Variants in SMOC1 observed in about 807,000 individuals in gnomAD.
SMOC1 encodes the protein SPARC-related modular calcium-binding protein 1.
SMOC1 carries 22 observed loss-of-function variants against 56.3 expected under a neutral mutation model. That is an observed-to-expected ratio of 0.39 (90% CI 0.28 to 0.56). SMOC1 has a LOEUF of 0.56. Ranked by LOEUF, SMOC1 falls within the 20% of genes least tolerant of loss-of-function variation. The pLI, the probability that SMOC1 is intolerant of heterozygous loss-of-function variation, is 0.61. For missense variants in SMOC1, 509 were observed against 565.4 expected (o/e 0.90, Z 1.01); for synonymous variants, 193 against 215.0 (o/e 0.90, Z 0.89).
rs537188089 is a variant in SMOC1, at chr14:69,949,873, G to T, written c.100-2265G>T. 5.9e-5 allele frequency among the ~76,000 whole-genome samples: 9 copies of T among 152,310 alleles called. 1 individual carries two copies. Among genetic ancestry groups the T allele is most frequent in the South Asian group, 4.1e-4 (2 of 4,822 alleles). The stretch of plus-strand genomic sequence containing the variant: ...TGGGTTTAAAGCAGGGGCAACTCGA[G>T]GGGGGTTGAGGCTGGGGATCGTGTG... On this transcript the variant is annotated intron_variant, in intron 1 of 11. Transcript: ENST00000361956.
intron 1 of SMOC1, among the ~76,000 whole-genome samples, chr14:69,927,631 G>A (rs1885044998): frequency 6.6e-6 from 1 of 152,156 alleles, no homozygotes; most frequent in South Asian, 2.1e-4. Context: ...AGCCAAGATT[G>A]CGCCACTGCA....
At chr14:70,016,405 A>AG (rs1885514515) in intron 10 of SMOC1, among the ~76,000 whole-genome samples, 1 of 152,216 alleles carries the variant, frequency 6.6e-6, no homozygotes, top group African/African-American at 2.4e-5. Flanking sequence ...GGGAATGAAG[A>AG]CTTGAACTGC....
chr14:69,953,279 C>A, intron 2 of SMOC1, 141 bp from the exon 3 acceptor site: 2 of 751,424 alleles, frequency 2.7e-6, no homozygotes, highest in Non-Finnish European at 4.8e-6. Context: ...AGTTACTAGC[C>A]ACGGCCCTTT....
intron 1 of SMOC1, among the ~76,000 whole-genome samples, chr14:69,936,168 T>C (rs1885290615): frequency 1.3e-5 from 2 of 152,146 alleles, no homozygotes; most frequent in South Asian, 4.1e-4. Context: ...CACCTTCTAG[T>C]CTAAGGGCCC....
chr14:70,020,718 G>T (rs1397373388), intron 10 of SMOC1, among the ~76,000 whole-genome samples: 1 of 152,194 alleles, frequency 6.6e-6, no homozygotes, highest in Non-Finnish European at 1.5e-5. Flanking sequence ...TGGGAGTGAA[G>T]AGAGTCAAAA....
chr14:69,983,742 A>G (rs1435490047), intron 5 of SMOC1, among the ~76,000 whole-genome samples: 1 of 152,202 alleles, frequency 6.6e-6, no homozygotes, highest in Non-Finnish European at 1.5e-5. Context: ...CAATGAGAGT[A>G]TGTTCATTTG....
intron 1 of SMOC1, among the ~76,000 whole-genome samples, chr14:69,926,453 A>T (rs1429867043): frequency 6.6e-6 from 1 of 152,228 alleles, no homozygotes; most frequent in Non-Finnish European, 1.5e-5. Flanking sequence ...GAGCTGGGGA[A>T]GGAAAAGTGG....
chr14:69,929,855 G>A (rs35906492), intron 1 of SMOC1, among the ~76,000 whole-genome samples: 30,982 of 152,074 alleles, frequency 0.2, 4,093 homozygotes, highest in East Asian at 0.32. Context: ...AGCCCCAGAG[G>A]CGTTAGGCTG....
chr14:70,009,469 T>C (rs1016877108), intron 7 of SMOC1, among the ~76,000 whole-genome samples: 1 of 152,148 alleles, frequency 6.6e-6, no homozygotes, highest in Non-Finnish European at 1.5e-5. Flanking sequence ...TAAAGTGGAG[T>C]TGAGTGCTGT....
At chr14:70,025,658 A>G (rs1885898623) in intron 11 of SMOC1, among the ~76,000 whole-genome samples, 1 of 152,212 alleles carries the variant, frequency 6.6e-6, no homozygotes, top group Non-Finnish European at 1.5e-5. Flanking sequence ...TAATATTTGC[A>G]TTACACTTAC....
intron 3 of SMOC1, among the ~76,000 whole-genome samples, chr14:69,969,527 G>C (rs61981601): frequency 1.3e-5 from 2 of 152,068 alleles, no homozygotes; most frequent in African/African-American, 4.8e-5. Flanking sequence ...CTCACCCGCT[G>C]TCGTGAAAAC....
At chr14:69,999,401 A>G (rs1269506604) in intron 7 of SMOC1, among the ~76,000 whole-genome samples, 2 of 152,182 alleles carry the variant, frequency 1.3e-5, no homozygotes, top group Non-Finnish European at 2.9e-5. Context: ...AAAAATAAAC[A>G]GCTCGCAGGG....
At chr14:69,953,225 C>A (rs1180150214) in intron 2 of SMOC1, among the ~76,000 whole-genome samples, 195 bp from the exon 3 acceptor site, 2 of 152,174 alleles carry the variant, frequency 1.3e-5, no homozygotes, top group Admixed American at 1.3e-4. Context: ...CACGAATCCT[C>A]TGCTTTTCTA....
chr14:69,929,012 T>A (rs1400446652), intron 1 of SMOC1, among the ~76,000 whole-genome samples: 1 of 152,090 alleles, frequency 6.6e-6, no homozygotes, highest in African/African-American at 2.4e-5. Flanking sequence ...CTCTGGAGGG[T>A]CCTGATCCCT....
At chr14:69,966,603 C>T (rs1411831881) in intron 3 of SMOC1, among the ~76,000 whole-genome samples, 1 of 152,190 alleles carries the variant, frequency 6.6e-6, no homozygotes, top group African/African-American at 2.4e-5. Context: ...ATCCAGGGCT[C>T]ACGCTCCACT....
chr14:69,908,086 T>C (rs991911637), intron 1 of SMOC1, among the ~76,000 whole-genome samples: 10 of 152,204 alleles, frequency 6.6e-5, no homozygotes, highest in Non-Finnish European at 1.5e-4. Context: ...CACAAAAATC[T>C]ATAAAAATGG....
intron 7 of SMOC1, among the ~76,000 whole-genome samples, chr14:70,002,541 AG>A (rs1197244884): frequency 2.0e-5 from 3 of 152,150 alleles, no homozygotes; most frequent in African/African-American, 7.2e-5. Flanking sequence ...CCCCCTCATC[AG>A]GGGCTCCCAG....
In SMOC1 at chr14:69,901,204, G is replaced by C. The variant is rs1884233171; in HGVS notation, c.99+21427G>C. Among the ~76,000 whole-genome samples, 7 of 152,202 alleles carry C rather than the reference G, an allele frequency of 4.6e-5. No individual in the cohort carries two copies. In the South Asian group the frequency reaches 1.4e-3, roughly 32 times the overall value. The stretch of plus-strand genomic sequence containing the variant: ...ATAGCATAAATTAGTAATAGTCCAT[G>C]AGGGTCCAAAGAGAAGGGCTGCTTG... On this transcript the variant is annotated intron_variant, in intron 1 of 11. Transcript: ENST00000361956.
At chr14:69,954,175 T>G (rs1157778691) in intron 3 of SMOC1, among the ~76,000 whole-genome samples, 1 of 152,062 alleles carries the variant, frequency 6.6e-6, no homozygotes. Context: ...TTTCTTCTCT[T>G]TTTTTGGAGA....
Sources: gnomAD v4.1 joint callset for allele counts (sites outside exome capture counted in the v4.1 genomes callset) on GRCh38, gnomAD v4.1.1 for gene constraint, MANE v1.5 for transcripts, NCBI Gene and HGNC (gene_info 2026-07-23, HGNC 2026-07-21) for gene names.